Variants in POC1A observed in about 807,000 individuals in gnomAD.
POC1A encodes POC1 centriolar protein A, also known as POC1 centriolar protein homolog A.
Under a neutral mutation model 47.8 loss-of-function variants are expected in POC1A, and 34 were observed. The ratio of observed to expected loss-of-function variants is 0.71; its 90% CI spans 0.54 to 0.95. The LOEUF (loss-of-function observed/expected upper bound fraction) is 0.95, where lower values mean the gene tolerates loss of function less well. POC1A is among the 40% of genes least tolerant of loss of function. The pLI, the probability that POC1A is intolerant of heterozygous loss-of-function variation, is 0.00. For synonymous variants in POC1A, 177 were observed against 207.6 expected, an observed-to-expected ratio of 0.85 and a Z score of 1.27; for missense variants, 466 against 528.3, an observed-to-expected ratio of 0.88 and a Z score of 1.16.
chr3:52,122,703 C>T (rs560472251), intron 8 of POC1A, among the ~76,000 whole-genome samples: 109 of 152,366 alleles, frequency 7.2e-4, no homozygotes, highest in Non-Finnish European at 8.8e-4. Context: ...TGGACTACCA[C>T]GGCGTGGCAC....
At chr3:52,111,652 TAAAAAAAAAAAA>T (rs59028696) in intron 9 of POC1A, among the ~76,000 whole-genome samples, 1,950 of 95,196 alleles carry the variant, frequency 0.02, 53 homozygotes, top group African/African-American at 0.061. Flanking sequence ...GTCTCAAAAT[TAAAAAAAAAAAA>T]AAAAAAAAAA....
intron 9 of POC1A, among the ~76,000 whole-genome samples, chr3:52,099,010 C>G (rs1382783346): frequency 6.6e-6 from 1 of 152,218 alleles, no homozygotes; most frequent in Non-Finnish European, 1.5e-5. Flanking sequence ...CATGAGACAG[C>G]CTCTGGCAGG....
Position 52,075,660 on chromosome 3 carries a change from A to C in POC1A, c.*227T>G. The C allele has an allele frequency of 4.4e-6, 2 of 450,112 alleles. No individual in the cohort carries two copies. The highest frequency in any genetic ancestry group is 5.3e-5 in the South Asian group (2 of 37,674). The allele number at this position is 450,112 out of a possible 1,614,324, so 27.9% of individuals were successfully genotyped here. The stretch of plus-strand genomic sequence containing the variant: ...AATGTGGTCCTCTCATTCGGGTCTG[A>C]AGCATCATTTGTGTGTGAGCCCGGC... On this transcript the variant is annotated 3_prime_UTR_variant, in exon 11 of 11. Transcript: ENST00000296484.
chr3:52,086,990 C>T (rs1702477984), intron 10 of POC1A, among the ~76,000 whole-genome samples: 1 of 152,332 alleles, frequency 6.6e-6, no homozygotes, highest in East Asian at 1.9e-4. Context: ...GCCCAGGTCC[C>T]CCAGGCCAAA....
At chr3:52,080,241 TA>T (rs763328371) in intron 10 of POC1A, among the ~76,000 whole-genome samples, 3 of 152,278 alleles carry the variant, frequency 2.0e-5, no homozygotes, top group Non-Finnish European at 4.4e-5. Flanking sequence ...GTGAGCACAC[TA>T]AAGCACTGGG....
At chr3:52,081,498 T>C (rs1702280260) in intron 10 of POC1A, among the ~76,000 whole-genome samples, 2 of 151,762 alleles carry the variant, frequency 1.3e-5, no homozygotes, top group Non-Finnish European at 2.9e-5. Context: ...GCTGCACTGC[T>C]GGGACGGAGG....
At chr3:52,151,186 G>C (rs891749187) in intron 1 of POC1A, 86 bp from the exon 2 acceptor site, 4 of 1,581,858 alleles carry the variant, frequency 2.5e-6, no homozygotes, top group Non-Finnish European at 3.4e-6. Flanking sequence ...AACAGCCGGG[G>C]GAGTAGGGTT....
intron 9 of POC1A, among the ~76,000 whole-genome samples, chr3:52,116,956 C>T (rs1450335041): frequency 3.9e-5 from 6 of 152,174 alleles, no homozygotes; most frequent in East Asian, 1.9e-4. Flanking sequence ...GGGAGGCCAA[C>T]GCAGGTGGAT....
At chr3:52,145,220 T>C (rs1698324288) in intron 6 of POC1A, among the ~76,000 whole-genome samples, 1 of 152,118 alleles carries the variant, frequency 6.6e-6, no homozygotes, top group Non-Finnish European at 1.5e-5. Context: ...ATCCTGGGCA[T>C]GTCTAAGTCT....
chr3:52,080,916 G>C (rs1702259598), intron 10 of POC1A, among the ~76,000 whole-genome samples: 1 of 152,220 alleles, frequency 6.6e-6, no homozygotes, highest in Admixed American at 6.5e-5. Flanking sequence ...CTCCTCACCC[G>C]ATACTGTCCG....
At chr3:52,134,972 C>T (rs1704389527) in intron 7 of POC1A, among the ~76,000 whole-genome samples, 2 of 152,194 alleles carry the variant, frequency 1.3e-5, no homozygotes, top group Admixed American at 6.5e-5. Context: ...GACCCCACCA[C>T]ATCGCCACCT....
chr3:52,134,568 G>A (rs1227722328), intron 7 of POC1A, among the ~76,000 whole-genome samples: 1 of 152,170 alleles, frequency 6.6e-6, no homozygotes, highest in Non-Finnish European at 1.5e-5. Context: ...GGAGATGGAG[G>A]TTGCAGTGAG....
chr3:52,094,883 G>A (rs1195022124), intron 10 of POC1A, among the ~76,000 whole-genome samples: 1 of 152,208 alleles, frequency 6.6e-6, no homozygotes, highest in Non-Finnish European at 1.5e-5. Flanking sequence ...AAGGCCACAG[G>A]CCACAGGCCA....
intron 7 of POC1A, among the ~76,000 whole-genome samples, chr3:52,125,704 A>G (rs1186358369): frequency 6.6e-6 from 1 of 152,124 alleles, no homozygotes; most frequent in Non-Finnish European, 1.5e-5. Flanking sequence ...GGTGACAGGA[A>G]GGAGGTTTCC....
chr3:52,124,470 C>T (rs1038629100), intron 8 of POC1A, among the ~76,000 whole-genome samples: 23 of 152,178 alleles, frequency 1.5e-4, no homozygotes, highest in Non-Finnish European at 1.5e-5. Context: ...TCACAATGTC[C>T]TCTCTCTGCA....
chr3:52,118,180 TTGTAGCATG>T (rs1703642651), intron 9 of POC1A, among the ~76,000 whole-genome samples: 1 of 152,054 alleles, frequency 6.6e-6, no homozygotes, highest in African/African-American at 2.4e-5. Context: ...TCCCCCAGCC[TTGTAGCATG>T]TCACAAGGCT....
intron 10 of POC1A, among the ~76,000 whole-genome samples, chr3:52,093,755 C>T (rs769746793): frequency 5.3e-5 from 8 of 152,238 alleles, no homozygotes; most frequent in African/African-American, 9.6e-5. Flanking sequence ...AGAGGAGCCG[C>T]TGAAGGGGTC....
intron 7 of POC1A, among the ~76,000 whole-genome samples, chr3:52,133,759 C>T (rs1182056083): frequency 2.0e-5 from 3 of 152,206 alleles, no homozygotes; most frequent in African/African-American, 4.8e-5. Context: ...ACCTCCCCCA[C>T]GGTTTCCCCA....
At chr3:52,128,614 G>A (rs1049816970) in intron 7 of POC1A, among the ~76,000 whole-genome samples, 62 of 152,300 alleles carry the variant, frequency 4.1e-4, no homozygotes, top group African/African-American at 1.4e-3. Flanking sequence ...AACATGTACT[G>A]TAGAAGAGAC....
Sources: allele counts gnomAD v4.1 joint callset (sites outside exome capture counted in the v4.1 genomes callset), GRCh38; gene constraint gnomAD v4.1.1; transcripts MANE v1.5; gene names NCBI Gene and HGNC (gene_info 2026-07-23, HGNC 2026-07-21).